ATP8A2: variants seen among roughly 807,000 people sequenced by gnomAD.
ATP8A2 encodes the protein ATPase phospholipid transporting 8A2.
Under a neutral mutation model 165.6 loss-of-function variants are expected in ATP8A2, and 100 were observed. The ratio of observed to expected loss-of-function variants is 0.60; its 90% CI spans 0.51 to 0.71. The LOEUF (loss-of-function observed/expected upper bound fraction) is 0.71. Among genes scored for constraint, ATP8A2 ranks in the 30% least tolerant of loss-of-function variants. The probability of loss-of-function intolerance (pLI) is 0.00; values close to 1 mark genes in which losing one functional copy is unlikely to be tolerated. For synonymous variants in ATP8A2, 543 were observed against 548.8 expected, an observed-to-expected ratio of 0.99 and a Z score of 0.15; for missense variants, 1,227 against 1,479.5, an observed-to-expected ratio of 0.83 and a Z score of 2.80.
intron 33 of ATP8A2, among the ~76,000 whole-genome samples, chr13:25,941,475 C>T (rs1955071081): frequency 6.6e-6 from 1 of 152,138 alleles, no homozygotes; most frequent in Non-Finnish European, 1.5e-5. Context: ...GTCTGGCCGT[C>T]TTCTGGCTGC....
intron 2 of ATP8A2, among the ~76,000 whole-genome samples, chr13:25,514,908 A>T (rs66487135): frequency 0.26 from 38,839 of 152,048 alleles, 6,479 homozygotes; most frequent in Middle Eastern, 0.4. Flanking sequence ...TGTGATAGTA[A>T]AGTTAATGTG....
chr13:25,581,596 A>G (rs146798621), intron 22 of ATP8A2, among the ~76,000 whole-genome samples: 30 of 152,314 alleles, frequency 2.0e-4, no homozygotes, highest in Non-Finnish European at 3.8e-4. Context: ...GTATCAAGAA[A>G]TCAGTGATGA....
At chr13:25,952,430 G>A (rs983662474) in intron 33 of ATP8A2, among the ~76,000 whole-genome samples, 1 of 151,366 alleles carries the variant, frequency 6.6e-6, no homozygotes, top group Non-Finnish European at 1.5e-5. Context: ...ACCTAAACTG[G>A]AGTGCAGTGG....
At chr13:25,827,232 C>G (rs1951345244) in intron 27 of ATP8A2, among the ~76,000 whole-genome samples, 1 of 152,116 alleles carries the variant, frequency 6.6e-6, no homozygotes, top group South Asian at 2.1e-4. Context: ...GCCTCAGACC[C>G]CCCCGAGTAG....
Position 25,665,482 on chromosome 13 carries a change from C to T in ATP8A2, c.2212-33691C>T, listed in dbSNP as rs77951595. 5.3e-5 allele frequency among the ~76,000 whole-genome samples: 8 copies of T among 151,590 alleles called. No homozygotes were observed. The South Asian group carries it at 1.7e-3, about 32-fold the overall frequency. On this transcript the variant is annotated intron_variant, in intron 24 of 36. Transcript: ENST00000381655. ...TCAGAATTTGGATGACTTTTTTTTC[C>T]TCAGGTGCAGAGATGGTAGGGGCAT...
intron 1 of ATP8A2, among the ~76,000 whole-genome samples, chr13:25,403,524 C>T (rs1041475533): frequency 6.6e-6 from 1 of 152,118 alleles, no homozygotes; most frequent in Non-Finnish European, 1.5e-5. Flanking sequence ...AGTTGTGGAT[C>T]CTATCTCCAG....
Position 26,019,871 on chromosome 13 carries a change from G to C in ATP8A2, c.3470-17G>C. 1.3e-6 allele frequency: 2 copies of C among 1,591,054 alleles called. No homozygotes were observed. Among genetic ancestry groups the C allele is most frequent in the Non-Finnish European group, 1.7e-6 (2 of 1,159,064 alleles). ...ATTCTCCTGTTAACCAGTTTCTCCT[G>C]TGTGCTTCACTTTCAGATGGGTATG... On this transcript the variant is annotated splice_polypyrimidine_tract_variant and intron_variant, in intron 36 of 36. Coordinates refer to ENST00000381655, the MANE Select transcript of ATP8A2 (RefSeq NM_016529.6).
chr13:25,941,655 T>C (rs1438614877), intron 33 of ATP8A2, among the ~76,000 whole-genome samples: 9 of 152,316 alleles, frequency 5.9e-5, no homozygotes, highest in African/African-American at 2.2e-4. Flanking sequence ...CATATAGTCC[T>C]GGCAGCAGCA....
Position 25,558,063 on chromosome 13 carries a change from C to T in ATP8A2, c.1264-910C>T, listed in dbSNP as rs112770074. On this transcript the variant is annotated intron_variant, in intron 13 of 36. Transcript: ENST00000381655. ...GGATTGCAGGCACCTGCCACCATGC[C>T]TGGCTAATTTGTTTTGTATTTTTAG... 3.2e-3 allele frequency among the ~76,000 whole-genome samples: 485 copies of T among 152,246 alleles called. 2 individuals are homozygous for T. The highest frequency in any genetic ancestry group is 0.011 in the African/African-American group (465 of 41,538).
intron 33 of ATP8A2, among the ~76,000 whole-genome samples, chr13:25,949,883 T>C (rs987459215): frequency 6.6e-6 from 1 of 152,118 alleles, no homozygotes; most frequent in Admixed American, 6.5e-5. Flanking sequence ...CACTGCCGCC[T>C]CCGCCTCCCA....
At chr13:25,830,983 A>G (rs1386772127) in intron 28 of ATP8A2, among the ~76,000 whole-genome samples, 1 of 152,192 alleles carries the variant, frequency 6.6e-6, no homozygotes, top group Admixed American at 6.5e-5. Context: ...TTCTTGCTCC[A>G]ATAATGCCCT....
intron 10 of ATP8A2, among the ~76,000 whole-genome samples, chr13:25,545,506 C>CA (rs758088158): frequency 0.027 from 3,947 of 145,252 alleles, 91 homozygotes; most frequent in African/African-American, 0.058. Flanking sequence ...GACCCCATTT[C>CA]AAAAAAAAAA....
chr13:25,763,663 C>A (rs1341977098), intron 25 of ATP8A2, among the ~76,000 whole-genome samples: 3 of 152,148 alleles, frequency 2.0e-5, no homozygotes, highest in African/African-American at 7.2e-5. Flanking sequence ...AAATTATCTA[C>A]TTTTAGAATT....
At chr13:25,949,521 A>G (rs1955294690) in intron 33 of ATP8A2, among the ~76,000 whole-genome samples, 1 of 152,202 alleles carries the variant, frequency 6.6e-6, no homozygotes, top group Admixed American at 6.5e-5. Context: ...GAAGATTGCA[A>G]TCTAGAAATA....
chr13:25,873,540 T>C (rs1952736462), intron 33 of ATP8A2, among the ~76,000 whole-genome samples: 1 of 152,204 alleles, frequency 6.6e-6, no homozygotes, highest in Non-Finnish European at 1.5e-5. Context: ...ATGTCTAAGA[T>C]TGTGGGAACC....
At chr13:25,661,161 A>T (rs1386318879) in intron 24 of ATP8A2, among the ~76,000 whole-genome samples, 1 of 152,132 alleles carries the variant, frequency 6.6e-6, no homozygotes, top group Non-Finnish European at 1.5e-5. Flanking sequence ...AAGCTCAAGG[A>T]TATTGTGATG....
At chr13:25,480,492 C>T (rs1416347236) in intron 2 of ATP8A2, among the ~76,000 whole-genome samples, 1 of 150,432 alleles carries the variant, frequency 6.6e-6, no homozygotes, top group Non-Finnish European at 1.5e-5. Flanking sequence ...CGCGGCCGGG[C>T]AGAGGCGCTC....
intron 24 of ATP8A2, among the ~76,000 whole-genome samples, chr13:25,662,602 A>G (rs1202250263): frequency 1.3e-5 from 2 of 152,206 alleles, no homozygotes; most frequent in African/African-American, 4.8e-5. Context: ...ACAGTGAGCC[A>G]CTGCAGACAG....
chr13:25,479,065 A>G (rs934745573), intron 2 of ATP8A2, among the ~76,000 whole-genome samples: 1 of 152,054 alleles, frequency 6.6e-6, no homozygotes, highest in Admixed American at 6.6e-5. Context: ...CCAGGATGGT[A>G]TCGATCTCCT....
Sources: gnomAD v4.1 joint callset for allele counts (sites outside exome capture counted in the v4.1 genomes callset) on GRCh38, gnomAD v4.1.1 for gene constraint, MANE v1.5 for transcripts, NCBI Gene and HGNC (gene_info 2026-07-23, HGNC 2026-07-21) for gene names.